MYO1B: variants seen among roughly 807,000 people sequenced by gnomAD.
The protein encoded by MYO1B is myosin IB.
MYO1B carries 72 observed loss-of-function variants against 159.7 expected under a neutral mutation model. The ratio of observed to expected loss-of-function variants is 0.45; its 90% confidence interval spans 0.37 to 0.55. The LOEUF (loss-of-function observed/expected upper bound fraction) is 0.55. Among genes scored for constraint, MYO1B ranks in the 20% least tolerant of loss-of-function variants. The pLI is 0.00. For synonymous variants in MYO1B, 468 were observed against 473.8 expected (o/e 0.99, Z 0.16); for missense variants, 1,062 against 1,364.8 (o/e 0.78, Z 3.50).
chr2:191,296,087 C>A, intron 2 of MYO1B, 24 bp from the exon 3 acceptor site: 1 of 1,372,210 alleles, frequency 7.3e-7, no homozygotes, highest in Non-Finnish European at 1.0e-6. Context: ...AACTAATGGG[C>A]ATGTTTTGTT....
chr2:191,263,310 T>G (rs1686936413), intron 1 of MYO1B: 1 of 984,934 alleles, frequency 1.0e-6, no homozygotes, highest in African/African-American at 1.7e-5. Flanking sequence ...ACAACGAATG[T>G]TTGTCTCTCT....
rs1177989692 is a variant in MYO1B at position 191,318,199 on chromosome 2, C to G, written c.252-11736C>G. Among the ~76,000 whole-genome samples the G allele has an allele frequency of 2.0e-5, 3 of 152,158 alleles. No homozygotes were observed. In the East Asian group the frequency reaches 5.8e-4, roughly 29 times the overall value. On this transcript the variant is annotated intron_variant, in intron 3 of 30. Transcript: ENST00000392318. Reference sequence around the variant, plus strand: ...ATTTTATAGGTGTACAGGCAAGGGACTCCTAGAGCGAGCTGAGAGGCAGGG... The same window carrying G: ...ATTTTATAGGTGTACAGGCAAGGGAGTCCTAGAGCGAGCTGAGAGGCAGGG...
Position 191,425,308 on chromosome 2 carries a change from C to T in MYO1B, c.*1348C>T, listed in dbSNP as rs539644305. The T allele has an allele frequency of 3.9e-5, 6 of 152,232 alleles. No individual in the cohort carries two copies. The South Asian group carries it at 1.0e-3, about 26-fold the overall frequency. The allele number at this position is 152,232 out of a possible 1,614,324, so 9.4% of individuals were successfully genotyped here. The stretch of plus-strand genomic sequence containing the variant: ...TCACTTATCTTTTATAAACCAGAAA[C>T]ATTAATTGAAAATATTTTCTGGGGA... On this transcript the variant is annotated 3_prime_UTR_variant, in exon 31 of 31. Transcript: ENST00000392318.
intron 2 of MYO1B, among the ~76,000 whole-genome samples, chr2:191,290,685 A>G (rs1688638904): frequency 6.6e-6 from 1 of 152,226 alleles, no homozygotes; most frequent in African/African-American, 2.4e-5. Flanking sequence ...GTAATCAAAC[A>G]TTTCAAATTC....
intron 3 of MYO1B, among the ~76,000 whole-genome samples, chr2:191,315,153 G>A (rs974433961): frequency 6.7e-5 from 8 of 120,060 alleles, no homozygotes; most frequent in Non-Finnish European, 1.3e-4. Flanking sequence ...CCCACCGTCC[G>A]TCCGTCCATC....
intron 17 of MYO1B, 83 bp downstream of exon 17, chr2:191,387,533 A>AGT (rs745645902): frequency 2.4e-6 from 3 of 1,229,706 alleles, no homozygotes; most frequent in Non-Finnish European, 2.4e-6. Flanking sequence ...CTTCAATCTG[A>AGT]GTGTAGCCCA....
intron 3 of MYO1B, among the ~76,000 whole-genome samples, chr2:191,300,556 C>G (rs1689258934): frequency 1.3e-5 from 2 of 150,812 alleles, no homozygotes; most frequent in South Asian, 4.2e-4. Context: ...ATTGGCCAGG[C>G]TGGTCTCGAA....
At chr2:191,321,670 C>T (rs920788063) in intron 3 of MYO1B, among the ~76,000 whole-genome samples, 2 of 152,202 alleles carry the variant, frequency 1.3e-5, no homozygotes, top group African/African-American at 2.4e-5. Flanking sequence ...TCCTCCCAGC[C>T]TCTTTCCTTG....
At chr2:191,310,545 G>T (rs1689939350) in intron 3 of MYO1B, among the ~76,000 whole-genome samples, 1 of 152,216 alleles carries the variant, frequency 6.6e-6, no homozygotes, top group African/African-American at 2.4e-5. Context: ...GTAGTTTATA[G>T]AAGATAAGAC....
intron 3 of MYO1B, among the ~76,000 whole-genome samples, chr2:191,317,012 G>A (rs535636651): frequency 5.3e-5 from 8 of 152,286 alleles, no homozygotes; most frequent in African/African-American, 1.9e-4. Flanking sequence ...ACATAAATTC[G>A]GAACACTGAA....
At chr2:191,295,798 T>C (rs537434001) in intron 2 of MYO1B, among the ~76,000 whole-genome samples, 116 of 152,304 alleles carry the variant, frequency 7.6e-4, no homozygotes, top group African/African-American at 2.7e-3. Context: ...AGCAGTAGTT[T>C]GTGACAAAAT....
intron 19 of MYO1B, among the ~76,000 whole-genome samples, chr2:191,392,868 A>G (rs2126106419): frequency 6.6e-6 from 1 of 152,336 alleles, no homozygotes; most frequent in South Asian, 2.1e-4. Context: ...ACTGGAATAA[A>G]AATTGTAAGT....
Position 191,397,421 on chromosome 2 carries a change from C to T in MYO1B, c.2295+924C>T, listed in dbSNP as rs528061403. Among the ~76,000 whole-genome samples the T allele has an allele frequency of 1.7e-4, 26 of 151,218 alleles. No homozygotes were observed. In the South Asian group the frequency reaches 5.2e-3, roughly 31 times the overall value. ...TAACGAGCATGCTGACTTCAAGCAT[C>T]TGTTTAACAAAGCACATCTTGCACC... On this transcript the variant is annotated intron_variant, in intron 21 of 30. Transcript: ENST00000392318.
chr2:191,262,289 G>A lies in MYO1B; in HGVS notation c.-9-14598G>A, dbSNP rs190387539. Among the ~76,000 whole-genome samples, 14 of 151,858 alleles carry A rather than the reference G, an allele frequency of 9.2e-5. No individual in the cohort carries two copies. In the East Asian group the frequency reaches 9.7e-4, roughly 10 times the overall value. ...TTTATTTTAGTCACCTTATTCTGCCGCCCCCCCTCCTCCCCAGCTGGCCCA... is the reference window on the plus strand; with the variant it reads ...TTTATTTTAGTCACCTTATTCTGCCACCCCCCCTCCTCCCCAGCTGGCCCA... On this transcript the variant is annotated intron_variant, in intron 1 of 30. Transcript: ENST00000392318.
chr2:191,303,619 C>A (rs764063597), intron 3 of MYO1B, among the ~76,000 whole-genome samples: 1 of 151,922 alleles, frequency 6.6e-6, no homozygotes, highest in Non-Finnish European at 1.5e-5. Context: ...GGCTAAACTC[C>A]AGCTTAAGTA....
At chr2:191,263,642 AC>A (rs1391704159) in intron 1 of MYO1B, 1 of 152,190 alleles carries the variant, frequency 6.6e-6, no homozygotes, top group Non-Finnish European at 1.5e-5. Flanking sequence ...TCTTACCAAA[AC>A]TTTTCTTGGG....
At chr2:191,319,083 C>T (rs913153594) in intron 3 of MYO1B, among the ~76,000 whole-genome samples, 16 of 151,972 alleles carry the variant, frequency 1.1e-4, no homozygotes, top group South Asian at 2.1e-4. Flanking sequence ...GCCTGCAGGC[C>T]GAGTGGTATA....
chr2:191,398,634 G>A (rs1451217625), intron 21 of MYO1B, among the ~76,000 whole-genome samples: 5 of 151,746 alleles, frequency 3.3e-5, no homozygotes, highest in African/African-American at 1.2e-4. Context: ...CAGACAGGGC[G>A]GCGGGGCAGA....
At chr2:191,355,662 G>A (rs907776158) in intron 7 of MYO1B, among the ~76,000 whole-genome samples, 1 of 152,202 alleles carries the variant, frequency 6.6e-6, no homozygotes, top group Admixed American at 6.5e-5. Context: ...AGCCAGATGT[G>A]TGCACAGTGT....
Sources: gnomAD v4.1 joint callset for allele counts (sites outside exome capture counted in the v4.1 genomes callset) on GRCh38, gnomAD v4.1.1 for gene constraint, MANE v1.5 for transcripts, NCBI Gene and HGNC (gene_info 2026-07-23, HGNC 2026-07-21) for gene names.